Variants in GATAD2B observed in about 807,000 individuals in gnomAD.
GATAD2B encodes the protein GATA zinc finger domain containing 2B.
GATAD2B carries 8 observed loss-of-function variants against 64.3 expected under a neutral mutation model. The observed-to-expected ratio is 0.12, with a 90% CI of 0.07 to 0.22. The LOEUF is 0.22. Ranked by LOEUF, GATAD2B falls within the 10% of genes least tolerant of loss-of-function variation. The pLI, the probability that GATAD2B is intolerant of heterozygous loss-of-function variation, is 1.00. For synonymous variants in GATAD2B, 281 were observed against 271.3 expected (o/e 1.04, Z -0.35); for missense variants, 453 against 752.0 (o/e 0.60, Z 4.65).
intron 1 of GATAD2B, among the ~76,000 whole-genome samples, chr1:153,900,818 T>C (rs1677744933): frequency 6.6e-6 from 1 of 152,214 alleles, no homozygotes; most frequent in Admixed American, 6.5e-5. Flanking sequence ...ATGAGCATAG[T>C]TATTTCCAAT....
intron 1 of GATAD2B, among the ~76,000 whole-genome samples, chr1:153,858,851 T>C (rs908812893): frequency 2.0e-5 from 3 of 151,620 alleles, no homozygotes; most frequent in Admixed American, 6.6e-5. Flanking sequence ...GGTGTTAGGG[T>C]AGGGGAAGAG....
intron 1 of GATAD2B, among the ~76,000 whole-genome samples, chr1:153,850,861 C>T (rs1675867759): frequency 6.6e-6 from 1 of 151,406 alleles, no homozygotes; most frequent in African/African-American, 2.4e-5. Context: ...GCGGAGGTTG[C>T]AGTGAGCCGG....
Position 153,865,843 on chromosome 1 carries a change from C to T in GATAD2B, c.-1-37495G>A, listed in dbSNP as rs901417193. Reference sequence around the variant, plus strand: ...GATTTAAACCTTAGAACGGTCTCAACGGGGTGCAGTGGCACACACTTGTAA... The same window carrying T: ...GATTTAAACCTTAGAACGGTCTCAATGGGGTGCAGTGGCACACACTTGTAA... On this transcript the variant is annotated intron_variant, in intron 1 of 10. Coordinates refer to ENST00000368655, the MANE Select transcript of GATAD2B (RefSeq NM_020699.4). 7.9e-5 allele frequency among the ~76,000 whole-genome samples: 12 copies of T among 152,204 alleles called. No homozygotes were observed. In the South Asian group the frequency reaches 1.2e-3, roughly 16 times the overall value.
At chr1:153,895,379 C>G (rs554761137) in intron 1 of GATAD2B, among the ~76,000 whole-genome samples, 1 of 150,930 alleles carries the variant, frequency 6.6e-6, no homozygotes, top group Non-Finnish European at 1.5e-5. Context: ...AAGAGATTGG[C>G]AGTATTTCCT....
At chr1:153,839,242 T>C (rs1017277456) in intron 1 of GATAD2B, among the ~76,000 whole-genome samples, 1 of 150,900 alleles carries the variant, frequency 6.6e-6, no homozygotes, top group Non-Finnish European at 1.5e-5. Context: ...GAATGCCAAA[T>C]GAAATAGCTC....
chr1:153,897,758 G>A (rs1418601023), intron 1 of GATAD2B, among the ~76,000 whole-genome samples: 2 of 152,014 alleles, frequency 1.3e-5, no homozygotes, highest in Non-Finnish European at 2.9e-5. Flanking sequence ...CTCAAAGCTA[G>A]ACAGTTGGCC....
At chr1:153,813,597 C>T in intron 7 of GATAD2B, 145 bp from the exon 8 acceptor site, 1 of 638,180 alleles carries the variant, frequency 1.6e-6, no homozygotes, top group Non-Finnish European at 2.7e-6. Flanking sequence ...TTACAAAATA[C>T]TTTTATTTCA....
intron 1 of GATAD2B, among the ~76,000 whole-genome samples, chr1:153,860,559 T>G: frequency 6.6e-6 from 1 of 152,054 alleles, no homozygotes; most frequent in East Asian, 1.9e-4. Flanking sequence ...GGTCTCAAAC[T>G]CCCAGCTTCA....
intron 4 of GATAD2B, 140 bp from the exon 5 acceptor site, chr1:153,818,311 T>TTTA: frequency 1.7e-6 from 1 of 603,672 alleles, no homozygotes; most frequent in Non-Finnish European, 2.6e-6. Context: ...GAGTCAAGGT[T>TTTA]TTCTTTTTTT....
chr1:153,836,703 T>C (rs762234926), intron 1 of GATAD2B, among the ~76,000 whole-genome samples: 1 of 152,122 alleles, frequency 6.6e-6, no homozygotes, highest in East Asian at 1.9e-4. Flanking sequence ...TAGCAAGATA[T>C]ACACATTTAA....
intron 1 of GATAD2B, among the ~76,000 whole-genome samples, chr1:153,896,175 A>T (rs181029669): frequency 4.8e-4 from 73 of 151,746 alleles, no homozygotes; most frequent in East Asian, 1.7e-3. Context: ...AATATATTTT[A>T]AAAAAAATCC....
chr1:153,854,115 C>G (rs770167199), intron 1 of GATAD2B, among the ~76,000 whole-genome samples: 13 of 152,068 alleles, frequency 8.5e-5, no homozygotes, highest in Non-Finnish European at 1.2e-4. Context: ...TAAAACGAAG[C>G]CTTTAGGCCA....
intron 1 of GATAD2B, among the ~76,000 whole-genome samples, chr1:153,906,774 G>T (rs1031362020): frequency 1.3e-5 from 2 of 152,050 alleles, no homozygotes; most frequent in African/African-American, 4.8e-5. Context: ...AATATACAAA[G>T]AACTCCTACA....
At chr1:153,876,542 T>G (rs1676840880) in intron 1 of GATAD2B, among the ~76,000 whole-genome samples, 1 of 152,184 alleles carries the variant, frequency 6.6e-6, no homozygotes, top group African/African-American at 2.4e-5. Context: ...CTCAGTAATA[T>G]GCACCAAGGA....
intron 1 of GATAD2B, among the ~76,000 whole-genome samples, chr1:153,838,006 G>A (rs1463689964): frequency 2.0e-5 from 3 of 152,056 alleles, no homozygotes; most frequent in Non-Finnish European, 2.9e-5. Context: ...ATTCCAGTTG[G>A]AGAAGAAACT....
chr1:153,829,810 G>A (rs1048675190), intron 1 of GATAD2B, among the ~76,000 whole-genome samples: 1 of 151,600 alleles, frequency 6.6e-6, no homozygotes, highest in Admixed American at 6.6e-5. Flanking sequence ...TAAATAAAAC[G>A]AAACAGGGGC....
chr1:153,827,963 A>G, intron 2 of GATAD2B, 50 bp downstream of exon 2: 1 of 1,313,694 alleles, frequency 7.6e-7, no homozygotes, highest in Non-Finnish European at 1.1e-6. Context: ...CCATTTTCAC[A>G]GGCTTTATGA....
intron 1 of GATAD2B, among the ~76,000 whole-genome samples, chr1:153,885,046 T>C (rs1677136963): frequency 6.6e-6 from 1 of 152,068 alleles, no homozygotes; most frequent in Non-Finnish European, 1.5e-5. Context: ...TGTGAGCCAA[T>C]GTGCCCGGCC....
At position 153,816,582 on chromosome 1, in the gene GATAD2B, T is replaced by C. The variant is rs1391778013; in HGVS notation, c.907A>G (p.Ser303Gly). 1 of 1,606,728 alleles carries C rather than the reference T, an allele frequency of 6.2e-7. No homozygotes were observed. The highest frequency in any genetic ancestry group is 8.5e-7 in the Non-Finnish European group (1 of 1,173,946). Residue 303 changes from serine (S) to glycine (G), a missense_variant, in exon 7 of 11, where the codon AGT becomes GGT. By Grantham distance (56) the Ser-to-Gly change is moderately conservative. Transcript: ENST00000368655. This position sits in a 1 kb window ranked among gnomAD's most constrained non-coding sequence, Gnocchi z 4.9. ...NPAINYQPQS[S>G]SSVPCQRTTS... The stretch of plus-strand genomic sequence containing the variant: ...GTACGCTGACATGGAACAGAAGAAC[T>C]TGACTGCTGAAATAGATTGAGAATG...
Sources: gnomAD v4.1 joint callset for allele counts (sites outside exome capture counted in the v4.1 genomes callset) on GRCh38, gnomAD v4.1.1 for gene constraint, Gnocchi (gnomAD v3.1) non-coding constraint, MANE v1.5 for transcripts, NCBI Gene and HGNC (gene_info 2026-07-23, HGNC 2026-07-21) for gene names.